The following DHTKD1 variants were observed in gnomAD, a reference collection of about 807,000 sequenced individuals.
The protein encoded by DHTKD1 is dehydrogenase E1 and transketolase domain containing 1.
In DHTKD1, 78 loss-of-function variants were observed where a neutral mutation model predicts 101.8. That is an observed-to-expected ratio of 0.77 (90% CI 0.64 to 0.93). The LOEUF (loss-of-function observed/expected upper bound fraction) is 0.93. DHTKD1 is among the 40% of genes least tolerant of loss of function. DHTKD1 has a pLI of 0.00. For synonymous variants in DHTKD1, 462 were observed against 450.3 expected (o/e 1.03, Z -0.33); for missense variants, 1,223 against 1,161.7 (o/e 1.05, Z -0.77).
At chr10:12,083,695 C>T (rs1193462213) in intron 2 of DHTKD1, among the ~76,000 whole-genome samples, 3 of 152,036 alleles carry the variant, frequency 2.0e-5, no homozygotes, top group African/African-American at 7.2e-5. Flanking sequence ...GATCGTGCCA[C>T]TGCACTCCAG....
At chr10:12,108,073 T>C in intron 12 of DHTKD1, 58 bp downstream of exon 12, 1 of 1,344,192 alleles carries the variant, frequency 7.4e-7, no homozygotes, top group Non-Finnish European at 1.1e-6. Flanking sequence ...AGAGCTTTTC[T>C]ACCTCCTGCG....
Position 12,107,870 on chromosome 10 carries a change from C to A in DHTKD1, c.2048-39C>A. On this transcript the variant is annotated intron_variant, in intron 11 of 16. Transcript: ENST00000263035. This position sits in a 1 kb window ranked among gnomAD's most constrained non-coding sequence, Gnocchi z 4.1. ...GTCGTGTCAGGCCACTTTGTCCCCG[C>A]TTCGTAGAGCTCTTACTCCCCACGT... 1.4e-6 allele frequency: 2 copies of A among 1,421,024 alleles called. No homozygotes were observed. Among genetic ancestry groups the A allele is most frequent in the Non-Finnish European group, 2.0e-6 (2 of 1,008,772 alleles). 88.0% of individuals were successfully genotyped at this position (1,421,024 alleles called of 1,614,324 possible).
intron 8 of DHTKD1, among the ~76,000 whole-genome samples, chr10:12,099,793 CTTTTTTTT>C (rs55758504): frequency 1.0e-5 from 1 of 96,186 alleles, no homozygotes. Flanking sequence ...AATTTCGTTG[CTTTTTTTT>C]TTTTTTTTTT....
chr10:12,096,641 C>T (rs1038679020), intron 7 of DHTKD1, among the ~76,000 whole-genome samples: 26 of 152,240 alleles, frequency 1.7e-4, no homozygotes, highest in Middle Eastern at 3.2e-3. Flanking sequence ...TGAGCCTCCT[C>T]ACCTGGCCCC....
At chr10:12,084,321 ATTTTTTT>A (rs923083752) in intron 2 of DHTKD1, among the ~76,000 whole-genome samples, 20 of 118,922 alleles carry the variant, frequency 1.7e-4, no homozygotes, top group Middle Eastern at 5.4e-3. Flanking sequence ...TTTTTTTTAA[ATTTTTTT>A]TAAATATGAA....
chr10:12,113,113 A>T, intron 13 of DHTKD1, 49 bp downstream of exon 13: 1 of 1,474,844 alleles, frequency 6.8e-7, no homozygotes, highest in Non-Finnish European at 9.1e-7. Flanking sequence ...CATTTTTTGC[A>T]CTCCATTTTT....
chr10:12,097,605 C>T, intron 7 of DHTKD1, 79 bp from the exon 8 acceptor site: 1 of 1,291,692 alleles, frequency 7.7e-7, no homozygotes, highest in South Asian at 1.4e-5. Flanking sequence ...CACTCCACCG[C>T]CCTTGACAGT....
At chr10:12,114,856 T>C (rs1166535771) in intron 13 of DHTKD1, among the ~76,000 whole-genome samples, 2 of 151,712 alleles carry the variant, frequency 1.3e-5, no homozygotes, top group East Asian at 3.9e-4. Context: ...AGTGCAGTGC[T>C]GCGATCTCGG....
chr10:12,097,631 T>C, intron 7 of DHTKD1, 53 bp from the exon 8 acceptor site: 1 of 1,496,892 alleles, frequency 6.7e-7, no homozygotes, highest in Non-Finnish European at 9.1e-7. Flanking sequence ...TCCTTGTCTC[T>C]ATTAGATTGT....
chr10:12,091,434 A>G, intron 5 of DHTKD1, 79 bp from the exon 6 acceptor site: 2 of 895,700 alleles, frequency 2.2e-6, no homozygotes, highest in Non-Finnish European at 1.6e-6. Flanking sequence ...AAAAAAAGTT[A>G]TTCCAACCTG....
intron 1 of DHTKD1, among the ~76,000 whole-genome samples, 159 bp from the exon 2 acceptor site, chr10:12,081,313 C>T (rs984731956): frequency 3.2e-4 from 47 of 147,296 alleles, no homozygotes; most frequent in Non-Finnish European, 1.3e-4. Flanking sequence ...TTCTACTGCA[C>T]TCCAGCCTGG....
At chr10:12,082,383 T>C (rs982976673) in intron 2 of DHTKD1, among the ~76,000 whole-genome samples, 3 of 152,154 alleles carry the variant, frequency 2.0e-5, no homozygotes, top group East Asian at 1.9e-4. Flanking sequence ...AAGTTGGGCC[T>C]GCATCATCAG....
chr10:12,118,154 T>C (rs1023040854), intron 14 of DHTKD1, among the ~76,000 whole-genome samples: 4 of 151,940 alleles, frequency 2.6e-5, no homozygotes, highest in African/African-American at 9.7e-5. Context: ...CCTCTGAAAG[T>C]GCTGGGATTG....
chr10:12,091,806 TA>T, intron 6 of DHTKD1, 122 bp downstream of exon 6: 1 of 646,082 alleles, frequency 1.5e-6, no homozygotes, highest in Non-Finnish European at 2.4e-6. Flanking sequence ...ATTAATTAAT[TA>T]ATTAATTAAT....
chr10:12,089,006 AG>A lies in DHTKD1; in HGVS notation c.740del (p.Gly247AlafsTer2). On this transcript the variant is annotated frameshift_variant, in exon 5 of 17. Transcript: ENST00000263035. LOFTEE classifies it high-confidence loss of function. ...PPELMFRKMR[G>X]LSEFPENFSA... ...AATAGCTGATGTTCCGTAAAATGCGAGGCTTAAGTGAATTTCCAGAGAATTT... is the reference window on the plus strand; with the variant it reads ...AATAGCTGATGTTCCGTAAAATGCGAGCTTAAGTGAATTTCCAGAGAATTT... 1 of 1,613,842 alleles carries A rather than the reference AG, an allele frequency of 6.2e-7. No individual in the cohort carries two copies. Among genetic ancestry groups the A allele is most frequent in the African/African-American group, 1.3e-5 (1 of 75,032 alleles).
At chr10:12,074,902 G>C (rs912487742) in intron 1 of DHTKD1, among the ~76,000 whole-genome samples, 1 of 151,948 alleles carries the variant, frequency 6.6e-6, no homozygotes, top group Admixed American at 6.6e-5. Context: ...GAAGCCAGTG[G>C]GTTACTTGAG....
At chr10:12,108,363 T>C (rs529529651) in intron 12 of DHTKD1, among the ~76,000 whole-genome samples, 1 of 152,274 alleles carries the variant, frequency 6.6e-6, no homozygotes, top group East Asian at 1.9e-4. Flanking sequence ...CACTGCAACC[T>C]CTGCCTCTTG....
chr10:12,107,971 GC>G lies in DHTKD1; in HGVS notation c.2111del (p.Ala704ValfsTer10). 6.2e-7 allele frequency: 1 copy of G among 1,613,680 alleles called. No homozygotes were observed. The highest frequency in any genetic ancestry group is 8.5e-7 in the Non-Finnish European group (1 of 1,179,634). On this transcript the variant is annotated frameshift_variant, in exon 12 of 17. Coordinates refer to ENST00000263035, the MANE Select transcript of DHTKD1 (RefSeq NM_018706.7). LOFTEE classifies it high-confidence loss of function. The surrounding 1 kb of genome is among the most constrained non-coding windows in gnomAD (Gnocchi z 4.1). ...CCTCCTTCCACATGGCTACGATGGGGCTGGGCCAGACCACTCATCCTGTCGA... is the reference window on the plus strand; with the variant it reads ...CCTCCTTCCACATGGCTACGATGGGGTGGGCCAGACCACTCATCCTGTCGA... ...VILLPHGYDG[A>X]GPDHSSCRIE...
chr10:12,086,368 A>G (rs1211557266), intron 3 of DHTKD1, among the ~76,000 whole-genome samples: 2 of 151,114 alleles, frequency 1.3e-5, no homozygotes, highest in Non-Finnish European at 2.9e-5. Flanking sequence ...CTACAGGTGC[A>G]TGCCATGATG....
Sources: gnomAD v4.1 joint callset for allele counts (sites outside exome capture counted in the v4.1 genomes callset) on GRCh38, gnomAD v4.1.1 for gene constraint, Gnocchi (gnomAD v3.1) non-coding constraint, MANE v1.5 for transcripts, NCBI Gene and HGNC (gene_info 2026-07-23, HGNC 2026-07-21) for gene names.